Variants in ACADSB observed in about 807,000 individuals in gnomAD.
ACADSB encodes the protein acyl-CoA dehydrogenase short/branched chain, also known as short/branched chain specific acyl-CoA dehydrogenase, mitochondrial.
ACADSB carries 40 observed loss-of-function variants against 54.1 expected under a neutral mutation model. The ratio of observed to expected loss-of-function variants is 0.74; its 90% CI spans 0.57 to 0.96. The LOEUF is 0.96. ACADSB is among the 40% of genes least tolerant of loss of function. ACADSB has a pLI of 0.00. For synonymous variants in ACADSB, 182 were observed against 182.8 expected, an observed-to-expected ratio of 1.00 and a Z score of 0.03; for missense variants, 530 against 510.4, an observed-to-expected ratio of 1.04 and a Z score of -0.37.
intron 3 of ACADSB, among the ~76,000 whole-genome samples, chr10:123,038,602 A>C (rs542635173): frequency 6.6e-6 from 1 of 152,350 alleles, no homozygotes; most frequent in Non-Finnish European, 1.5e-5. Flanking sequence ...AATTTTTAAT[A>C]CTAAAGATGT....
chr10:123,043,248 A>C, intron 6 of ACADSB, 77 bp downstream of exon 6: 1 of 1,577,944 alleles, frequency 6.3e-7, no homozygotes, highest in Admixed American at 1.7e-5. Context: ...TGTGCAAGAC[A>C]GGTGTCAAAA....
At position 123,054,885 on chromosome 10, in the gene ACADSB, T is replaced by C. The variant is rs1335090764; in HGVS notation, c.*1120T>C. On this transcript the variant is annotated 3_prime_UTR_variant, in exon 11 of 11. Coordinates refer to ENST00000358776, the MANE Select transcript of ACADSB (RefSeq NM_001609.4). ...TGAATACTGTTTCTTCAGTCATGGT[T>C]ATTGCACTTTATCCTGAATAATAAT... The C allele has an allele frequency of 6.6e-6, 1 of 152,246 alleles. No homozygotes were observed. The highest frequency in any genetic ancestry group is 1.9e-4 in the East Asian group (1 of 5,200). The allele number at this position is 152,246 out of a possible 1,614,324, so 9.4% of individuals were successfully genotyped here. A position where few individuals can be genotyped will look rare whatever the true frequency, so the allele number is the denominator to read the frequency against.
chr10:123,016,256 C>T lies in ACADSB; in HGVS notation c.42+7185C>T, dbSNP rs769428347. On this transcript the variant is annotated intron_variant, in intron 1 of 10. Transcript: ENST00000358776. The stretch of plus-strand genomic sequence containing the variant: ...TTTAATTGAGCAGCAAATTGGGCAG[C>T]CCCCAGAACCACAGCAGATTTGGAG... Among the ~76,000 whole-genome samples, 53 of 152,310 alleles carry T rather than the reference C, an allele frequency of 3.5e-4. 1 individual carries two copies. The highest frequency in any genetic ancestry group is 2.1e-4 in the South Asian group (1 of 4,824).
In ACADSB at chr10:123,039,036, A is replaced by G. The variant is rs548264658; in HGVS notation, c.303+1189A>G. 2.0e-5 allele frequency among the ~76,000 whole-genome samples: 3 copies of G among 151,928 alleles called. No homozygotes were observed. The East Asian group carries it at 5.8e-4, about 29-fold the overall frequency. On this transcript the variant is annotated intron_variant, in intron 3 of 10. Coordinates refer to ENST00000358776, the MANE Select transcript of ACADSB (RefSeq NM_001609.4). ...ACCCTGCTACTCATCTCCACAAACC[A>G]CTCCTGTGCAGATGCAGCCTCACCT... is the stretch of plus-strand genomic sequence containing the variant.
chr10:123,056,821 G>A lies in ACADSB; in HGVS notation c.*3056G>A, dbSNP rs1165237719. The A allele has an allele frequency of 6.5e-6, 1 of 152,674 alleles. No homozygotes were observed. Among genetic ancestry groups the A allele is most frequent in the African/African-American group, 2.4e-5 (1 of 41,560 alleles). 9.5% of individuals were successfully genotyped at this position (152,674 alleles called of 1,614,324 possible). On this transcript the variant is annotated 3_prime_UTR_variant, in exon 11 of 11. Transcript: ENST00000358776. Reference sequence around the variant, plus strand: ...GTTTTGCACATTCATGTTTATTGAAGTGGACTAATTTCTATAATGCAAATC... The same window carrying A: ...GTTTTGCACATTCATGTTTATTGAAATGGACTAATTTCTATAATGCAAATC...
intron 1 of ACADSB, among the ~76,000 whole-genome samples, chr10:123,026,488 C>T (rs1329450142): frequency 1.3e-5 from 2 of 152,252 alleles, no homozygotes; most frequent in East Asian, 3.9e-4. Context: ...AGATCTCCCT[C>T]ATTTCAGTTT....
At chr10:123,026,431 TCACGTGTAGATTTGCATAA>T (rs1256716211) in intron 1 of ACADSB, among the ~76,000 whole-genome samples, 2 of 152,186 alleles carry the variant, frequency 1.3e-5, no homozygotes, top group Non-Finnish European at 2.9e-5. Flanking sequence ...TGGTATTTTA[TCACGTGTAGATTTGCATAA>T]CCACCACTAC....
Position 123,056,397 on chromosome 10 carries a change from T to C in ACADSB, c.*2632T>C. The C allele has an allele frequency of 5.1e-6, 1 of 196,666 alleles. No homozygotes were observed. The highest frequency in any genetic ancestry group is 1.0e-5 in the Non-Finnish European group (1 of 99,778). 12.2% of individuals were successfully genotyped at this position (196,666 alleles called of 1,614,324 possible). On this transcript the variant is annotated 3_prime_UTR_variant, in exon 11 of 11. Transcript: ENST00000358776. The stretch of plus-strand genomic sequence containing the variant: ...CCATCAGATCTCATGAGACTTACTA[T>C]CATGAGAATAGCACAGGAAAGACTG...
chr10:123,018,140 TG>T (rs1362698734), intron 1 of ACADSB, among the ~76,000 whole-genome samples: 6 of 152,162 alleles, frequency 3.9e-5, no homozygotes, highest in Non-Finnish European at 1.5e-5. Context: ...TCAGCTGGTT[TG>T]GGGGGCCTTA....
rs2421166 is a variant in ACADSB at position 123,052,971 on chromosome 10, A to G, written c.1129-90A>G. On this transcript the variant is annotated intron_variant, in intron 9 of 10. Coordinates refer to ENST00000358776, the MANE Select transcript of ACADSB (RefSeq NM_001609.4). This position sits in a 1 kb window ranked among gnomAD's most constrained non-coding sequence, Gnocchi z 4.2. ...TAGTCCTTCCAGTGCCACTAACAGT[A>G]AATCCATGTTGCTGAAAATGTTACC... 0.98 allele frequency: 980,980 copies of G among 1,002,866 alleles called. 480,312 individuals are homozygous for G. The highest frequency in any genetic ancestry group is 1 in the Middle Eastern group (4,866 of 4,880). The allele number at this position is 1,002,866 out of a possible 1,614,324, so 62.1% of individuals were successfully genotyped here. A position where few individuals can be genotyped will look rare whatever the true frequency, so the allele number is the denominator to read the frequency against.
rs968559378 is a variant in ACADSB, at chr10:123,053,829, G to A, written c.*64G>A. On this transcript the variant is annotated 3_prime_UTR_variant, in exon 11 of 11. Coordinates refer to ENST00000358776, the MANE Select transcript of ACADSB (RefSeq NM_001609.4). ...GTAAAATTTTAAACGGTTGTGTCTT[G>A]TTGGGAGTAAGTGCCTTGCGTGGGA... 10 of 1,436,424 alleles carry A rather than the reference G, an allele frequency of 7.0e-6. No individual in the cohort carries two copies. Among genetic ancestry groups the A allele is most frequent in the Admixed American group, 1.7e-5 (1 of 59,632 alleles). The allele number at this position is 1,436,424 out of a possible 1,614,324, so 89.0% of individuals were successfully genotyped here.
chr10:123,043,092 G>T lies in ACADSB; in HGVS notation c.728G>T (p.Gly243Val). The T allele has an allele frequency of 6.2e-7, 1 of 1,613,838 alleles. No individual in the cohort carries two copies. Among genetic ancestry groups the T allele is most frequent in the East Asian group, 2.2e-5 (1 of 44,870 alleles). ...TSFLVDRDTP[G>V]LHIGKPENKL... is the part of the protein sequence containing the mutation. ...TTCTTAGTAGATCGTGATACTCCGGGCCTTCATATAGGGAAACCTGAAAAC... is the reference window on the plus strand; with the variant it reads ...TTCTTAGTAGATCGTGATACTCCGGTCCTTCATATAGGGAAACCTGAAAAC... The change falls in exon 6 of 11, where the codon GGC (glycine) becomes GTC (valine). Residue 243 changes from glycine (G) to valine (V), a missense_variant. Coordinates refer to ENST00000358776, the MANE Select transcript of ACADSB (RefSeq NM_001609.4).
chr10:123,053,633 C>A, intron 10 of ACADSB, 62 bp from the exon 11 acceptor site: 1 of 1,384,584 alleles, frequency 7.2e-7, no homozygotes, highest in Non-Finnish European at 1.0e-6. Flanking sequence ...GTTTATAGAG[C>A]TATTTCTTGT....
At position 123,018,969 on chromosome 10, in the gene ACADSB, G is replaced by C. The variant is rs79759096; in HGVS notation, c.42+9898G>C. Reference sequence around the variant, plus strand: ...TGGGGACACAGCCAAACCATATCAAGCAGGTATGAACAATTTGGCTTAGGA... The same window carrying C: ...TGGGGACACAGCCAAACCATATCAACCAGGTATGAACAATTTGGCTTAGGA... On this transcript the variant is annotated intron_variant, in intron 1 of 10. Transcript: ENST00000358776. Among the ~76,000 whole-genome samples, 11 of 152,258 alleles carry C rather than the reference G, an allele frequency of 7.2e-5. No individual in the cohort carries two copies. In the East Asian group the frequency reaches 2.1e-3, roughly 29 times the overall value.
rs553836947 is a variant in ACADSB, at chr10:123,020,606, G to GTA, written c.42+11536_42+11537dup. ...ACTTCTCTTGAATAAATATAAAAGA[G>GTA]TACAACTGCTGGGTCATATGATAAT... On this transcript the variant is annotated intron_variant, in intron 1 of 10. Transcript: ENST00000358776. Among the ~76,000 whole-genome samples, 402 of 152,258 alleles carry GTA rather than the reference G, an allele frequency of 2.6e-3. 2 individuals are homozygous for GTA. The highest frequency in any genetic ancestry group is 0.01 in the Middle Eastern group (3 of 294).
At chr10:123,053,040 A>C (rs1300514974) in intron 9 of ACADSB, 21 bp from the exon 10 acceptor site, 1 of 1,594,920 alleles carries the variant, frequency 6.3e-7, no homozygotes, top group Non-Finnish European at 8.6e-7. Flanking sequence ...TCAGTGTGTG[A>C]TTTGCACTTG....
At position 123,016,300 on chromosome 10, in the gene ACADSB, G is replaced by A. The variant is rs184338604; in HGVS notation, c.42+7229G>A. Among the ~76,000 whole-genome samples the A allele has an allele frequency of 2.6e-5, 4 of 152,356 alleles. No homozygotes were observed. In the East Asian group the frequency reaches 7.7e-4, roughly 29 times the overall value. ...TTTGGAGAGACTCCAGGGATGCCTTGTGGTCATAACAAATTTATAGACAAA... is the reference window on the plus strand; with the variant it reads ...TTTGGAGAGACTCCAGGGATGCCTTATGGTCATAACAAATTTATAGACAAA... On this transcript the variant is annotated intron_variant, in intron 1 of 10. Transcript: ENST00000358776.
intron 8 of ACADSB, among the ~76,000 whole-genome samples, chr10:123,048,427 A>C (rs984944382): frequency 9.9e-5 from 15 of 151,826 alleles, no homozygotes; most frequent in Admixed American, 2.6e-4. Flanking sequence ...CCAAAAGTAG[A>C]GGTTTTTTTT....
Position 123,037,730 on chromosome 10 carries a change from A to G in ACADSB, c.203-17A>G. 6.5e-7 allele frequency: 1 copy of G among 1,541,018 alleles called. No individual in the cohort carries two copies. The highest frequency in any genetic ancestry group is 9.0e-7 in the Non-Finnish European group (1 of 1,113,786). On this transcript the variant is annotated splice_polypyrimidine_tract_variant and intron_variant, in intron 2 of 10. Transcript: ENST00000358776. ...GTCACTTTAACATAGACTTATCAGT[A>G]ATTCTTTTTCCTACAGTTAAAAAAT...
Sources: gnomAD v4.1 joint callset for allele counts (sites outside exome capture counted in the v4.1 genomes callset) on GRCh38, gnomAD v4.1.1 for gene constraint, Gnocchi (gnomAD v3.1) non-coding constraint, MANE v1.5 for transcripts, NCBI Gene and HGNC (gene_info 2026-07-23, HGNC 2026-07-21) for gene names.